FAM107A: variants seen among roughly 807,000 people sequenced by gnomAD.
The protein encoded by FAM107A is actin-associated protein FAM107A.
Under a neutral mutation model 13.7 loss-of-function variants are expected in FAM107A, and 19 were observed. The ratio of observed to expected loss-of-function variants is 1.38; its 90% CI spans 0.97 to 2.03. The LOEUF (loss-of-function observed/expected upper bound fraction) is 2.03, where lower values mean the gene tolerates loss of function less well. Ranked by LOEUF, FAM107A falls within the 30% of genes most tolerant of loss-of-function variation. The probability of loss-of-function intolerance (pLI) is 0.00; values close to 1 mark genes in which losing one functional copy is unlikely to be tolerated. For missense variants in FAM107A, 203 were observed against 184.4 expected (o/e 1.10, Z -0.58); for synonymous variants, 82 against 74.5 (o/e 1.10, Z -0.52).
intron 1 of FAM107A, among the ~76,000 whole-genome samples, chr3:58,571,261 G>C (rs2063680855): frequency 6.6e-6 from 1 of 152,222 alleles, no homozygotes; most frequent in Non-Finnish European, 1.5e-5. Context: ...ACCCATCACA[G>C]GCTGCTGTTA....
chr3:58,574,462 C>T (rs569601958), intron 1 of FAM107A: 2 of 152,340 alleles, frequency 1.3e-5, no homozygotes, highest in Admixed American at 6.5e-5. Context: ...TGAAGGATCT[C>T]AGCTGACTGT....
In FAM107A at chr3:58,564,666, G is replaced by A. The variant is rs1221418631; in HGVS notation, c.*1922C>T. On this transcript the variant is annotated 3_prime_UTR_variant, in exon 4 of 4. Transcript: ENST00000360997. The surrounding 1 kb of genome is among the most constrained non-coding windows in gnomAD (Gnocchi z 5.6). ...CCTTGGAGAGCCCTCGTCCATCTGA[G>A]ACCCTCTGTCTTGCTTCTCTTCACA... 6.6e-6 allele frequency: 1 copy of A among 152,248 alleles called. No homozygotes were observed. The highest frequency in any genetic ancestry group is 1.5e-5 in the Non-Finnish European group (1 of 68,060). The allele number at this position is 152,248 out of a possible 1,614,324, so 9.4% of individuals were successfully genotyped here. A position where few individuals can be genotyped will look rare whatever the true frequency, so the allele number is the denominator to read the frequency against.
chr3:58,610,450 T>C (rs991288993), intron 1 of FAM107A, among the ~76,000 whole-genome samples: 1 of 152,186 alleles, frequency 6.6e-6, no homozygotes, highest in Non-Finnish European at 1.5e-5. Context: ...CTGAGTATCC[T>C]GGATTTGCTG....
At chr3:58,614,242 A>G (rs2065880906) in intron 1 of FAM107A, among the ~76,000 whole-genome samples, 1 of 152,174 alleles carries the variant, frequency 6.6e-6, no homozygotes, top group South Asian at 2.1e-4. Flanking sequence ...ATTCCTGCTT[A>G]GGGTTTTTTT....
At chr3:58,574,490 T>C (rs2063713956) in intron 1 of FAM107A, among the ~76,000 whole-genome samples, 3 of 152,212 alleles carry the variant, frequency 2.0e-5, no homozygotes, top group Admixed American at 2.0e-4. Context: ...CTGGTTATTG[T>C]GAGCAAATCT....
At chr3:58,578,104 G>C (rs1006529153), upstream of FAM107A, among the ~76,000 whole-genome samples, 5 of 152,172 alleles carry the variant, frequency 3.3e-5, no homozygotes, top group African/African-American at 9.7e-5. Flanking sequence ...AGATGACATG[G>C]ATGAGATGAC....
At chr3:58,587,478 T>A (rs1480549713), upstream of FAM107A, among the ~76,000 whole-genome samples, 4 of 23,690 alleles carry the variant, frequency 1.7e-4, no homozygotes, top group Middle Eastern at 0.033. Context: ...GCTTAGAGTG[T>A]GTGTGTGTGT....
intron 3 of FAM107A, 183 bp from the exon 4 acceptor site, chr3:58,566,878 T>A: frequency 1.6e-6 from 1 of 614,166 alleles, no homozygotes; most frequent in Admixed American, 2.9e-5. Context: ...TTGTGCAGCC[T>A]GGTTCAAATC....
At position 58,599,696 on chromosome 3, in the gene FAM107A, A is replaced by ATTTTTTTTTTTTT. The variant is rs57244654; in HGVS notation, c.-69-10440_-69-10428dup. On this transcript the variant is annotated intron_variant, in intron 1 of 3. Coordinates refer to the FAM107A transcript ENST00000465970. ...GTGGTATACTTAAAACAAGTGCACC[A>ATTTTTTTTTTTTT]TTTTTTTTTTTTTTTTTTTTTTTTT... Among the ~76,000 whole-genome samples, 232 of 78,540 alleles carry ATTTTTTTTTTTTT rather than the reference A, an allele frequency of 3.0e-3. 61 individuals are homozygous for ATTTTTTTTTTTTT. Among genetic ancestry groups the ATTTTTTTTTTTTT allele is most frequent in the Non-Finnish European group, 5.0e-3 (186 of 37,388 alleles). The allele number at this position is 78,540 out of a possible 152,430, so 51.5% of individuals were successfully genotyped here.
chr3:58,583,828 G>C (rs944106367), intron 1 of FAM107A, among the ~76,000 whole-genome samples: 1 of 151,988 alleles, frequency 6.6e-6, no homozygotes, highest in Non-Finnish European at 1.5e-5. Context: ...CCACAGGCAT[G>C]CACCACCATG....
intron 1 of FAM107A, among the ~76,000 whole-genome samples, chr3:58,573,844 T>A (rs2063708128): frequency 6.6e-6 from 1 of 152,202 alleles, no homozygotes; most frequent in African/African-American, 2.4e-5. Context: ...CCACGCCCAC[T>A]TATTGTCTAT....
chr3:58,606,094 T>A (rs2065792234), intron 1 of FAM107A, among the ~76,000 whole-genome samples: 1 of 152,138 alleles, frequency 6.6e-6, no homozygotes, highest in Admixed American at 6.5e-5. Context: ...TGCTGTTATC[T>A]CTTTTTTGTT....
upstream of FAM107A, among the ~76,000 whole-genome samples, chr3:58,590,787 A>G (rs1422185774): frequency 6.6e-6 from 1 of 152,116 alleles, no homozygotes; most frequent in Non-Finnish European, 1.5e-5. Context: ...ACATGTGGGG[A>G]TTGCAATTTG....
At chr3:58,592,108 A>G (rs1443657409), upstream of FAM107A, among the ~76,000 whole-genome samples, 1 of 152,022 alleles carries the variant, frequency 6.6e-6, no homozygotes, top group Non-Finnish European at 1.5e-5. Context: ...GAAGAGGGAG[A>G]GTGTTCGTGG....
upstream of FAM107A, among the ~76,000 whole-genome samples, chr3:58,591,066 T>C (rs553501551): frequency 6.6e-6 from 1 of 152,316 alleles, no homozygotes; most frequent in South Asian, 2.1e-4. This position sits in a 1 kb window ranked among gnomAD's most constrained non-coding sequence, Gnocchi z 4.3. Flanking sequence ...AGGGCTTGGA[T>C]ACCTCAGTGA....
chr3:58,593,045 A>G (rs1171826678), intron 1 of FAM107A, among the ~76,000 whole-genome samples: 1 of 152,108 alleles, frequency 6.6e-6, no homozygotes, highest in African/African-American at 2.4e-5. Flanking sequence ...ACCTCGGTGG[A>G]CCGGACCCCA....
chr3:58,575,351 G>A (rs2108049742), intron 1 of FAM107A, among the ~76,000 whole-genome samples: 1 of 152,248 alleles, frequency 6.6e-6, no homozygotes. Context: ...GCTTAGCCCA[G>A]CGCCTGGCAG....
At chr3:58,607,409 C>A (rs1231375559) in intron 1 of FAM107A, among the ~76,000 whole-genome samples, 3 of 152,050 alleles carry the variant, frequency 2.0e-5, no homozygotes, top group Non-Finnish European at 4.4e-5. Context: ...GGGAGACAGA[C>A]CCCTAGGTGG....
chr3:58,609,096 G>T (rs988884541), intron 1 of FAM107A: 1 of 152,156 alleles, frequency 6.6e-6, no homozygotes, highest in Non-Finnish European at 1.5e-5. Context: ...GGACAAGGAG[G>T]CCCCATGATG....
Sources: allele counts gnomAD v4.1 joint callset (sites outside exome capture counted in the v4.1 genomes callset), GRCh38; gene constraint gnomAD v4.1.1; non-coding constraint Gnocchi (gnomAD v3.1); transcripts MANE v1.5; gene names NCBI Gene and HGNC (gene_info 2026-07-23, HGNC 2026-07-21).